Variants in SEMA6D observed in about 807,000 individuals in gnomAD.
SEMA6D encodes the protein semaphorin 6D.
A neutral mutation model predicts 106.6 loss-of-function variants in SEMA6D; 35 were observed. The observed-to-expected ratio is 0.33, with a 90% CI of 0.25 to 0.44. The LOEUF (loss-of-function observed/expected upper bound fraction) is 0.44. SEMA6D is among the 20% of genes least tolerant of loss of function. SEMA6D has a pLI of 1.00. For missense variants in SEMA6D, 1,185 were observed against 1,345.9 expected, an observed-to-expected ratio of 0.88 and a Z score of 1.87; for synonymous variants, 499 against 487.7, an observed-to-expected ratio of 1.02 and a Z score of -0.31.
At chr15:47,397,776 A>G (rs1179783732) in intron 1 of SEMA6D, 1 of 152,202 alleles carries the variant, frequency 6.6e-6, no homozygotes, top group East Asian at 1.9e-4. Flanking sequence ...TAACATAACT[A>G]TGATGTCATA....
At position 47,773,436 on chromosome 15, in the gene SEMA6D, T is replaced by G. The variant is rs533008548; in HGVS notation, c.*1651T>G. 1.3e-5 allele frequency: 2 copies of G among 152,694 alleles called. No homozygotes were observed. The highest frequency in any genetic ancestry group is 4.1e-4 in the South Asian group (2 of 4,824). The allele number at this position is 152,694 out of a possible 1,614,324, so 9.5% of individuals were successfully genotyped here. A position where few individuals can be genotyped will look rare whatever the true frequency, so the allele number is the denominator to read the frequency against. On this transcript the variant is annotated 3_prime_UTR_variant, in exon 19 of 19. Transcript: ENST00000536845. ...TGATGATGCGCAACCCTGCTGACTG[T>G]TTCAGTTAATATGCTGCACACCACA...
At chr15:47,722,386 C>T (rs1457828229) in intron 1 of SEMA6D, among the ~76,000 whole-genome samples, 1 of 152,180 alleles carries the variant, frequency 6.6e-6, no homozygotes, top group Non-Finnish European at 1.5e-5. Flanking sequence ...TTGCTACATC[C>T]CTTTTCACAA....
chr15:47,580,019 AG>A (rs1177266944), intron 3 of SEMA6D, among the ~76,000 whole-genome samples: 1 of 152,232 alleles, frequency 6.6e-6, no homozygotes, highest in African/African-American at 2.4e-5. Flanking sequence ...TAGTAGTGCT[AG>A]AAAATTTCTC....
At chr15:47,271,526 A>G (rs62014044) in intron 1 of SEMA6D, among the ~76,000 whole-genome samples, 2,598 of 152,232 alleles carry the variant, frequency 0.017, 48 homozygotes, top group African/African-American at 0.02. Context: ...TAAGAAGAAT[A>G]TTATTTGTTG....
At chr15:47,399,374 A>G (rs1229485707) in intron 1 of SEMA6D, 2 of 152,226 alleles carry the variant, frequency 1.3e-5, no homozygotes, top group African/African-American at 4.8e-5. Context: ...CTTACCAGCC[A>G]CCATCCTGCT....
chr15:47,326,427 G>A (rs936298179), intron 1 of SEMA6D, among the ~76,000 whole-genome samples: 1 of 152,216 alleles, frequency 6.6e-6, no homozygotes, highest in Non-Finnish European at 1.5e-5. Context: ...TTCAAAAGGT[G>A]TTGCTTTTCT....
chr15:47,222,828 A>T lies in SEMA6D; in HGVS notation c.-239+38410A>T, dbSNP rs568507003. On this transcript the variant is annotated intron_variant, in intron 1 of 19. Coordinates refer to the SEMA6D transcript ENST00000558014. ...TCTTCGAGAGTGACATTTTCCTTTTATTTATTTTAGTATTCTCAGGTCCTG... is the reference window on the plus strand; with the variant it reads ...TCTTCGAGAGTGACATTTTCCTTTTTTTTATTTTAGTATTCTCAGGTCCTG... Among the ~76,000 whole-genome samples, 502 of 152,168 alleles carry T rather than the reference A, an allele frequency of 3.3e-3. 3 individuals carry two copies. Among genetic ancestry groups the T allele is most frequent in the African/African-American group, 0.012 (478 of 41,490 alleles).
chr15:47,278,340 G>T (rs1393553979), intron 1 of SEMA6D, among the ~76,000 whole-genome samples: 1 of 152,168 alleles, frequency 6.6e-6, no homozygotes, highest in African/African-American at 2.4e-5. Flanking sequence ...TTGTGGTTTT[G>T]ATTTGCATTT....
chr15:47,732,510 G>A (rs549024668), intron 1 of SEMA6D, among the ~76,000 whole-genome samples: 35 of 152,178 alleles, frequency 2.3e-4, no homozygotes, highest in Non-Finnish European at 4.4e-4. Context: ...GAAGCCTAAA[G>A]CAGTCTTGGG....
intron 3 of SEMA6D, among the ~76,000 whole-genome samples, chr15:47,585,062 T>C (rs2076314272): frequency 6.6e-6 from 1 of 152,146 alleles, no homozygotes. Flanking sequence ...ACAAAAGCAC[T>C]GGTGAAATTG....
intron 1 of SEMA6D, among the ~76,000 whole-genome samples, chr15:47,254,140 AT>A (rs1235916346): frequency 2.7e-5 from 4 of 150,662 alleles, no homozygotes; most frequent in African/African-American, 9.8e-5. Context: ...TTTTTAGGCT[AT>A]TTCATTATTG....
chr15:47,238,266 G>GCAA (rs1297700797), intron 1 of SEMA6D, among the ~76,000 whole-genome samples: 3 of 152,114 alleles, frequency 2.0e-5, no homozygotes, highest in Non-Finnish European at 4.4e-5. Context: ...GAATAAAATA[G>GCAA]CAACAACAAC....
chr15:47,411,183 T>C (rs1255367751), intron 1 of SEMA6D, among the ~76,000 whole-genome samples: 2 of 152,014 alleles, frequency 1.3e-5, no homozygotes, highest in East Asian at 1.9e-4. Context: ...GCAACCTCGG[T>C]TTCCTGGGTT....
chr15:47,225,139 G>A (rs1421510216), intron 1 of SEMA6D, among the ~76,000 whole-genome samples: 3 of 151,896 alleles, frequency 2.0e-5, no homozygotes, highest in African/African-American at 7.3e-5. Flanking sequence ...GAGACTTGAG[G>A]AAGAAGGTAC....
chr15:47,569,906 C>G (rs1247029016), intron 3 of SEMA6D, among the ~76,000 whole-genome samples: 1 of 151,820 alleles, frequency 6.6e-6, no homozygotes, highest in Non-Finnish European at 1.5e-5. Flanking sequence ...ACTAAAAATA[C>G]AAAAATTAGA....
chr15:47,388,774 G>C (rs281285), intron 1 of SEMA6D, among the ~76,000 whole-genome samples: 76,287 of 151,926 alleles, frequency 0.5, 22,705 homozygotes, highest in African/African-American at 0.84. Context: ...ATAGGAGGAG[G>C]CATAATGGAG....
At chr15:47,348,727 C>CCACACAGAGAGAGAGAGAGAG (rs1555425939) in intron 1 of SEMA6D, among the ~76,000 whole-genome samples, 13 of 57,044 alleles carry the variant, frequency 2.3e-4, no homozygotes, top group Admixed American at 4.8e-4. Context: ...ACCACACACA[C>CCACACAGAGAGAGAGAGAGAG]AGAGAGAGAG....
At chr15:47,331,521 G>A (rs954852148) in intron 1 of SEMA6D, among the ~76,000 whole-genome samples, 2 of 152,070 alleles carry the variant, frequency 1.3e-5, no homozygotes, top group African/African-American at 2.4e-5. Flanking sequence ...CATGTATAGT[G>A]TTATGTGCCT....
At chr15:47,764,349 T>TC in intron 11 of SEMA6D, 44 bp downstream of exon 11, 1 of 1,585,816 alleles carries the variant, frequency 6.3e-7, no homozygotes, top group Non-Finnish European at 8.6e-7. Context: ...AACAAAACCT[T>TC]CCGGTCATTG....
Sources: allele counts gnomAD v4.1 joint callset (sites outside exome capture counted in the v4.1 genomes callset), GRCh38; gene constraint gnomAD v4.1.1; transcripts MANE v1.5; gene names NCBI Gene and HGNC (gene_info 2026-07-23, HGNC 2026-07-21).